The following SORCS3 variants were observed in gnomAD, a reference collection of about 807,000 sequenced individuals.
SORCS3 encodes VPS10 domain-containing receptor SorCS3.
Under a neutral mutation model 146.3 loss-of-function variants are expected in SORCS3, and 57 were observed. The observed-to-expected ratio is 0.39, with a 90% CI of 0.31 to 0.49. SORCS3 has a LOEUF of 0.49. SORCS3 is among the 20% of genes least tolerant of loss of function. The probability of loss-of-function intolerance (pLI) is 0.92; values close to 1 mark genes in which losing one functional copy is unlikely to be tolerated. For synonymous variants in SORCS3, 653 were observed against 618.5 expected, an observed-to-expected ratio of 1.06 and a Z score of -0.83; for missense variants, 1,341 against 1,575.5, an observed-to-expected ratio of 0.85 and a Z score of 2.52.
At chr10:104,845,315 ATT>A (rs1464276622) in intron 2 of SORCS3, among the ~76,000 whole-genome samples, 5 of 152,130 alleles carry the variant, frequency 3.3e-5, no homozygotes, top group African/African-American at 9.7e-5. Flanking sequence ...GAGAGAGGGA[ATT>A]TTTTTCACTT....
chr10:105,076,393 G>A lies in SORCS3; in HGVS notation c.1029-13382G>A, dbSNP rs75318370. On this transcript the variant is annotated intron_variant, in intron 5 of 26. Transcript: ENST00000369701. ...AGCTTGAGACTGAGAATTGCAGGGC[G>A]GTGAGATTTTTGTTCATTCCTAATT... is the stretch of plus-strand genomic sequence containing the variant. Among the ~76,000 whole-genome samples, 1,387 of 152,236 alleles carry A rather than the reference G, an allele frequency of 9.1e-3. 16 individuals are homozygous for A. The highest frequency in any genetic ancestry group is 0.031 in the African/African-American group (1,295 of 41,536).
chr10:104,916,540 T>C (rs1409248201), intron 3 of SORCS3, among the ~76,000 whole-genome samples: 1 of 152,142 alleles, frequency 6.6e-6, no homozygotes, highest in African/African-American at 2.4e-5. Flanking sequence ...TGAAATCATA[T>C]AAGGTCAGAC....
intron 3 of SORCS3, among the ~76,000 whole-genome samples, chr10:104,929,885 AC>A (rs1193690615): frequency 2.6e-5 from 4 of 152,222 alleles, no homozygotes; most frequent in African/African-American, 9.6e-5. Context: ...TTACACAGAC[AC>A]CAGAATATAG....
chr10:105,108,040 C>G (rs536650545), intron 7 of SORCS3, among the ~76,000 whole-genome samples: 1 of 107,714 alleles, frequency 9.3e-6, no homozygotes, highest in South Asian at 2.9e-4. Context: ...TATTTGCTTT[C>G]TATCTTTTAT....
intron 1 of SORCS3, among the ~76,000 whole-genome samples, chr10:104,737,441 T>C (rs2016787694): frequency 6.6e-6 from 1 of 152,200 alleles, no homozygotes; most frequent in Non-Finnish European, 1.5e-5. Context: ...CCAGCACCTG[T>C]TGTTTCCTGA....
intron 16 of SORCS3, among the ~76,000 whole-genome samples, chr10:105,208,331 ACTCTGTCT>A: frequency 6.7e-6 from 1 of 149,350 alleles, no homozygotes. Context: ...ACAGAGTGAG[ACTCTGTCT>A]CAGAGAGGAA....
At chr10:104,688,290 G>A (rs1046283921) in intron 1 of SORCS3, among the ~76,000 whole-genome samples, 1 of 152,254 alleles carries the variant, frequency 6.6e-6, no homozygotes, top group African/African-American at 2.4e-5. Flanking sequence ...GCAGCCTGGA[G>A]GCTGAAAGCT....
chr10:104,938,764 A>G (rs2019284196), intron 3 of SORCS3, among the ~76,000 whole-genome samples: 1 of 152,180 alleles, frequency 6.6e-6, no homozygotes, highest in East Asian at 1.9e-4. Flanking sequence ...TCTTGTATGC[A>G]TCATAGTGCC....
At chr10:105,112,889 C>T (rs903496775) in intron 7 of SORCS3, among the ~76,000 whole-genome samples, 1 of 152,100 alleles carries the variant, frequency 6.6e-6, no homozygotes, top group Non-Finnish European at 1.5e-5. Context: ...AAATTTCGAA[C>T]TTTTAAAAGT....
At chr10:104,912,959 G>C (rs2018984618) in intron 2 of SORCS3, among the ~76,000 whole-genome samples, 1 of 152,176 alleles carries the variant, frequency 6.6e-6, no homozygotes, top group Non-Finnish European at 1.5e-5. Flanking sequence ...AGGAAACAGG[G>C]ATGGATAGTT....
At chr10:104,866,457 A>G (rs2018459861) in intron 2 of SORCS3, among the ~76,000 whole-genome samples, 2 of 151,966 alleles carry the variant, frequency 1.3e-5, no homozygotes, top group African/African-American at 2.4e-5. Context: ...GAGTCCTTCA[A>G]GTTAAAAAAA....
At chr10:104,947,014 G>T (rs1770167168) in intron 3 of SORCS3, among the ~76,000 whole-genome samples, 2 of 152,122 alleles carry the variant, frequency 1.3e-5, no homozygotes, top group Non-Finnish European at 2.9e-5. Flanking sequence ...GCCTGAGATT[G>T]TCTGCGGTCC....
chr10:104,787,465 G>A (rs2017451858), intron 1 of SORCS3, among the ~76,000 whole-genome samples: 1 of 152,268 alleles, frequency 6.6e-6, no homozygotes, highest in East Asian at 1.9e-4. Context: ...GAAACAACTA[G>A]ATATCTCCTT....
At chr10:104,814,459 A>G (rs2017774233) in intron 1 of SORCS3, among the ~76,000 whole-genome samples, 2 of 152,114 alleles carry the variant, frequency 1.3e-5, no homozygotes, top group Admixed American at 6.6e-5. Flanking sequence ...CTGTGCCTTC[A>G]TAGACGTTGT....
chr10:105,214,459 C>T lies in SORCS3; in HGVS notation c.2393C>T (p.Ser798Phe). Residue 798 changes from serine to phenylalanine, a missense_variant, in exon 18 of 27, where the codon TCC (serine) becomes TTC (phenylalanine). By Grantham distance (155) the Ser-to-Phe change is radical (BLOSUM62 -2). Coordinates refer to ENST00000369701, the MANE Select transcript of SORCS3 (RefSeq NM_014978.3). ...LNSTGYRRIV[S>F]NNCTDGLREK... is the part of the protein sequence containing the mutation. The stretch of plus-strand genomic sequence containing the variant: ...CTACTTAGGTATCGGCGGATTGTGT[C>T]CAACAACTGCACAGATGGGCTAAGG... 1 of 1,614,136 alleles carries T rather than the reference C, an allele frequency of 6.2e-7. No individual in the cohort carries two copies. Among genetic ancestry groups the T allele is most frequent in the East Asian group, 2.2e-5 (1 of 44,872 alleles).
At chr10:104,953,017 G>A (rs981019937) in intron 3 of SORCS3, among the ~76,000 whole-genome samples, 7 of 152,128 alleles carry the variant, frequency 4.6e-5, no homozygotes, top group Admixed American at 3.3e-4. Flanking sequence ...GAAAAGACAC[G>A]CACCTTCTGG....
At position 105,043,069 on chromosome 10, in the gene SORCS3, G is replaced by A. The variant is rs1326842434; in HGVS notation, c.969G>A (p.Met323Ile). 2.2e-5 allele frequency: 35 copies of A among 1,613,804 alleles called. No individual in the cohort carries two copies. Among genetic ancestry groups the A allele is most frequent in the Non-Finnish European group, 2.8e-5 (33 of 1,179,796 alleles). The stretch of plus-strand genomic sequence containing the variant: ...TTGTTTTGCAGCTCTACAGCTCCAT[G>A]GACTTTGGAAGACGGTGGCAACTCA... ...YSLDQKLYSS[M>I]DFGRRWQLMH... is the part of the protein sequence containing the mutation. Residue 323 changes from methionine to isoleucine, a missense_variant, in exon 5 of 27, where the codon ATG (methionine) becomes ATA (isoleucine). Physicochemically the swap from Met to Ile is conservative, Grantham distance 10. Coordinates refer to ENST00000369701, the MANE Select transcript of SORCS3 (RefSeq NM_014978.3).
chr10:104,913,736 A>G (rs1009828317), intron 2 of SORCS3, among the ~76,000 whole-genome samples: 3 of 150,746 alleles, frequency 2.0e-5, no homozygotes, highest in Non-Finnish European at 4.4e-5. Flanking sequence ...TAACCTCACA[A>G]ATGCCTCATG....
chr10:104,845,272 G>A (rs1210588127), intron 2 of SORCS3, among the ~76,000 whole-genome samples: 2 of 151,794 alleles, frequency 1.3e-5, no homozygotes, highest in African/African-American at 4.8e-5. Context: ...TTTGTTTATT[G>A]TCTTCCCACA....
Sources: gnomAD v4.1 joint callset for allele counts (sites outside exome capture counted in the v4.1 genomes callset) on GRCh38, gnomAD v4.1.1 for gene constraint, MANE v1.5 for transcripts, NCBI Gene and HGNC (gene_info 2026-07-23, HGNC 2026-07-21) for gene names.